The following DNAH5 variants were observed in gnomAD, a reference collection of about 807,000 sequenced individuals.
The protein encoded by DNAH5 is dynein axonemal heavy chain 5.
In DNAH5, 372 loss-of-function variants were observed where a neutral mutation model predicts 518.2. That is an observed-to-expected ratio of 0.72 (90% CI 0.66 to 0.78). DNAH5 has a LOEUF of 0.78. Among genes scored for constraint, DNAH5 ranks in the 30% least tolerant of loss-of-function variants. The pLI is 0.00. For missense variants in DNAH5, 5,523 were observed against 5,687.0 expected, an observed-to-expected ratio of 0.97 and a Z score of 0.93; for synonymous variants, 2,039 against 2,025.9, an observed-to-expected ratio of 1.01 and a Z score of -0.17.
At chr5:13,863,622 T>G (rs145731325) in intron 28 of DNAH5, among the ~76,000 whole-genome samples, 1 of 152,122 alleles carries the variant, frequency 6.6e-6, no homozygotes, top group African/African-American at 2.4e-5. Flanking sequence ...GCTTTACTAC[T>G]TCCCCTCTCA....
At chr5:13,808,901 A>G (rs980129079) in intron 46 of DNAH5, 143 bp downstream of exon 46, 4 of 895,342 alleles carry the variant, frequency 4.5e-6, no homozygotes, top group Non-Finnish European at 6.9e-6. Context: ...TGGAGCCTGC[A>G]GTGAGCCGAG....
chr5:13,955,616 T>C (rs187981407), intron 1 of DNAH5, among the ~76,000 whole-genome samples: 85 of 152,274 alleles, frequency 5.6e-4, no homozygotes, highest in African/African-American at 1.8e-3. Context: ...AGCAGTCTCC[T>C]AGGAGAAAAT....
chr5:13,940,720 C>T (rs1299689774), intron 1 of DNAH5, among the ~76,000 whole-genome samples: 1 of 152,056 alleles, frequency 6.6e-6, no homozygotes, highest in Non-Finnish European at 1.5e-5. Context: ...TTAGTATGAC[C>T]GAGTTCTCAC....
chr5:13,956,323 G>T (rs1160741649), intron 1 of DNAH5, among the ~76,000 whole-genome samples: 1 of 152,068 alleles, frequency 6.6e-6, no homozygotes, highest in African/African-American at 2.4e-5. Context: ...CACAATATCT[G>T]CCATATAACA....
At chr5:13,964,124 C>G (rs1781377607) in intron 1 of DNAH5, among the ~76,000 whole-genome samples, 1 of 152,228 alleles carries the variant, frequency 6.6e-6, no homozygotes, top group African/African-American at 2.4e-5. Flanking sequence ...GGCCTACAGT[C>G]CTCAGTAAAA....
chr5:13,848,495 T>C (rs573761542), intron 31 of DNAH5, among the ~76,000 whole-genome samples: 4 of 152,144 alleles, frequency 2.6e-5, no homozygotes, highest in Admixed American at 6.5e-5. Flanking sequence ...TCACTTCTAT[T>C]ATTATTGTGC....
chr5:13,904,667 T>C (rs1026207559), intron 12 of DNAH5, among the ~76,000 whole-genome samples: 8 of 152,188 alleles, frequency 5.3e-5, no homozygotes, highest in Admixed American at 2.0e-4. Flanking sequence ...TCCCAGAACA[T>C]TGGGAGGCCA....
At chr5:13,913,002 T>C (rs1776199356) in intron 11 of DNAH5, among the ~76,000 whole-genome samples, 1 of 152,006 alleles carries the variant, frequency 6.6e-6, no homozygotes, top group South Asian at 2.1e-4. Context: ...ATTCCTTATA[T>C]TGGGCTAAAT....
At chr5:13,921,562 A>G (rs562881204) in intron 5 of DNAH5, among the ~76,000 whole-genome samples, 5 of 151,166 alleles carry the variant, frequency 3.3e-5, no homozygotes, top group Admixed American at 6.6e-5. Flanking sequence ...TCACAAACAC[A>G]GACTTATTAT....
chr5:13,939,490 C>T (rs1413227774), intron 1 of DNAH5, among the ~76,000 whole-genome samples: 1 of 152,130 alleles, frequency 6.6e-6, no homozygotes, highest in East Asian at 1.9e-4. Flanking sequence ...AACTCATTTA[C>T]CCTTAGAGCC....
intron 65 of DNAH5, among the ~76,000 whole-genome samples, chr5:13,741,486 A>G (rs1677566551): frequency 6.6e-6 from 1 of 152,182 alleles, no homozygotes; most frequent in African/African-American, 2.4e-5. Context: ...GGTTATTTCA[A>G]TTCATTGATT....
intron 31 of DNAH5, among the ~76,000 whole-genome samples, chr5:13,849,687 C>T (rs892064470): frequency 1.3e-5 from 2 of 152,286 alleles, no homozygotes; most frequent in Non-Finnish European, 2.9e-5. Flanking sequence ...CTTTCTCATG[C>T]ATTGTTATTT....
intron 12 of DNAH5, among the ~76,000 whole-genome samples, chr5:13,902,350 G>A (rs911879840): frequency 2.6e-5 from 4 of 152,316 alleles, no homozygotes; most frequent in Middle Eastern, 3.4e-3. Flanking sequence ...TTGGCGCCAC[G>A]TCAGGTTCCA....
intron 76 of DNAH5, among the ~76,000 whole-genome samples, chr5:13,705,407 T>C (rs1414254610): frequency 6.6e-6 from 1 of 152,230 alleles, no homozygotes; most frequent in Non-Finnish European, 1.5e-5. Context: ...GCTTAGCCAT[T>C]CTACAGCATA....
rs141141086 is a variant in DNAH5 at position 13,844,997 on chromosome 5, C to G, written c.5115-4G>C. 1 of 1,595,556 alleles carries G rather than the reference C, an allele frequency of 6.3e-7. No individual in the cohort carries two copies. Among genetic ancestry groups the G allele is most frequent in the Non-Finnish European group, 8.6e-7 (1 of 1,167,394 alleles). ...CAGTCGTTTTTTCTCCAAGTACCTACAAGGAGAGGAAAAACATAAACCTTT... is the reference window on the plus strand; with the variant it reads ...CAGTCGTTTTTTCTCCAAGTACCTAGAAGGAGAGGAAAAACATAAACCTTT... On this transcript the variant is annotated splice_polypyrimidine_tract_variant and splice_region_variant and intron_variant, in intron 31 of 78. Transcript: ENST00000265104.
At chr5:13,699,619 C>T (rs541354033) in intron 78 of DNAH5, among the ~76,000 whole-genome samples, 1 of 152,264 alleles carries the variant, frequency 6.6e-6, no homozygotes, top group African/African-American at 2.4e-5. Flanking sequence ...GAGGCTGAGG[C>T]AGGAGAATCG....
At chr5:13,759,189 A>G (rs1255914475) in intron 60 of DNAH5, among the ~76,000 whole-genome samples, 1 of 152,274 alleles carries the variant, frequency 6.6e-6, no homozygotes. Context: ...ACACTTCATT[A>G]GAAAGGAGGT....
chr5:13,982,707 T>TATGCACTATTGCATGAATGAGTAGACAC lies in DNAH5; in HGVS notation c.12+28940_12+28941insGTGTCTACTCATTCATGCAATAGTGCAT, dbSNP rs1233615615. ...GCACTATTGCATGAGTGAGTAGACATATGCACTATTGCATGAGTGAGTAGA... is the reference window on the plus strand; with the variant it reads ...GCACTATTGCATGAGTGAGTAGACATATGCACTATTGCATGAATGAGTAGACACATGCACTATTGCATGAGTGAGTAGA... On this transcript the variant is annotated intron_variant, in intron 1 of 78. Coordinates refer to the DNAH5 transcript ENST00000681290. Among the ~76,000 whole-genome samples the TATGCACTATTGCATGAATGAGTAGACAC allele has an allele frequency of 9.3e-4, 141 of 151,154 alleles. 2 individuals carry two copies. The highest frequency in any genetic ancestry group is 3.2e-3 in the African/African-American group (131 of 40,542).
At chr5:13,785,542 C>T (rs150879619) in intron 52 of DNAH5, among the ~76,000 whole-genome samples, 58 of 151,878 alleles carry the variant, frequency 3.8e-4, no homozygotes, top group African/African-American at 1.4e-3. Flanking sequence ...ACCACTGTAA[C>T]CACTAAGTAT....
Sources: allele counts gnomAD v4.1 joint callset (sites outside exome capture counted in the v4.1 genomes callset), GRCh38; gene constraint gnomAD v4.1.1; transcripts MANE v1.5; gene names NCBI Gene and HGNC (gene_info 2026-07-23, HGNC 2026-07-21).